Variants in STAT5B observed in about 807,000 individuals in gnomAD.
STAT5B encodes the protein signal transducer and activator of transcription 5B.
In STAT5B, 21 loss-of-function variants were observed where a neutral mutation model predicts 107.8. The ratio of observed to expected loss-of-function variants is 0.19; its 90% confidence interval spans 0.14 to 0.28. The LOEUF (loss-of-function observed/expected upper bound fraction) is 0.28, where lower values mean the gene tolerates loss of function less well. STAT5B is among the 10% of genes least tolerant of loss of function. STAT5B has a pLI of 1.00. For synonymous variants in STAT5B, 325 were observed against 401.7 expected, an observed-to-expected ratio of 0.81 and a Z score of 2.28; for missense variants, 565 against 1,008.2, an observed-to-expected ratio of 0.56 and a Z score of 5.95.
chr17:42,248,216 T>C (rs2080468052), intron 1 of STAT5B, among the ~76,000 whole-genome samples: 1 of 146,838 alleles, frequency 6.8e-6, no homozygotes, highest in African/African-American at 2.5e-5. Context: ...TTGAGGCTGC[T>C]GTGAGCCGTG....
chr17:42,204,741 A>C (rs2080072578), intron 16 of STAT5B, among the ~76,000 whole-genome samples: 2 of 152,244 alleles, frequency 1.3e-5, no homozygotes, highest in African/African-American at 4.8e-5. Flanking sequence ...CTGCCTTCTG[A>C]GTAGCTGGGA....
intron 12 of STAT5B, among the ~76,000 whole-genome samples, chr17:42,213,991 A>C (rs978650260): frequency 1.3e-5 from 2 of 151,576 alleles, no homozygotes; most frequent in African/African-American, 4.8e-5. Context: ...AAAATATAAA[A>C]AATTAATTGG....
At chr17:42,227,912 A>ATTT (rs2080287692) in intron 2 of STAT5B, among the ~76,000 whole-genome samples, 1 of 152,092 alleles carries the variant, frequency 6.6e-6, no homozygotes, top group African/African-American at 2.4e-5. Flanking sequence ...AAAAAAAAAA[A>ATTT]TTTTTAACAA....
chr17:42,269,579 C>T (rs1416810327), intron 1 of STAT5B: 1 of 152,154 alleles, frequency 6.6e-6, no homozygotes, highest in African/African-American at 2.4e-5. Flanking sequence ...TTTCCACTGA[C>T]ATTGTAACTT....
intron 1 of STAT5B, among the ~76,000 whole-genome samples, chr17:42,247,891 T>G (rs1463772476): frequency 6.6e-6 from 1 of 151,268 alleles, no homozygotes; most frequent in African/African-American, 2.4e-5. Flanking sequence ...AGTTAGTAGC[T>G]GCAGTGAACT....
chr17:42,239,508 G>T (rs1489692447), intron 1 of STAT5B, among the ~76,000 whole-genome samples: 2 of 152,020 alleles, frequency 1.3e-5, no homozygotes, highest in African/African-American at 4.8e-5. Context: ...AATAGGATAA[G>T]AAATAAATAA....
intron 5 of STAT5B, among the ~76,000 whole-genome samples, chr17:42,221,778 T>C (rs974564341): frequency 6.6e-6 from 1 of 152,164 alleles, no homozygotes; most frequent in African/African-American, 2.4e-5. Context: ...GGTACAGAGA[T>C]AAAAGATATA....
rs1598304317 is a variant in STAT5B, at chr17:42,219,953, C to A, written c.551-111G>T. The A allele has an allele frequency of 8.5e-6, 13 of 1,537,500 alleles. No homozygotes were observed. The East Asian group carries it at 3.1e-4, about 36-fold the overall frequency. ...GAGACCCTCCTGGGCTCAGATACTG[C>A]ATTAAGGGCAAGTCGGGGTTCCTGA... is the stretch of plus-strand genomic sequence containing the variant. On this transcript the variant is annotated intron_variant, in intron 5 of 18. Transcript: ENST00000293328.
At chr17:42,248,950 C>G (rs2080475590) in intron 1 of STAT5B, among the ~76,000 whole-genome samples, 1 of 152,208 alleles carries the variant, frequency 6.6e-6, no homozygotes, top group Non-Finnish European at 1.5e-5. Context: ...CAGTGTCTCG[C>G]TTGACTGAAC....
intron 1 of STAT5B, among the ~76,000 whole-genome samples, chr17:42,250,923 C>CAA (rs562263374): frequency 2.7e-4 from 16 of 59,152 alleles, no homozygotes; most frequent in Middle Eastern, 0.012. Context: ...AACTCTGTCT[C>CAA]AAAAAAAAAA....
At chr17:42,212,567 G>A (rs960742116) in intron 12 of STAT5B, among the ~76,000 whole-genome samples, 2 of 152,236 alleles carry the variant, frequency 1.3e-5, no homozygotes, top group African/African-American at 2.4e-5. Flanking sequence ...CAGAGAGAGT[G>A]TGCGTATGTG....
chr17:42,247,613 C>A (rs2080462531), intron 1 of STAT5B, among the ~76,000 whole-genome samples: 1 of 152,060 alleles, frequency 6.6e-6, no homozygotes, highest in Admixed American at 6.6e-5. Flanking sequence ...AAAACAAGTC[C>A]TGCAGAAAAA....
At position 42,201,293 on chromosome 17, in the gene STAT5B, C is replaced by T. The variant is rs1036511523; in HGVS notation, c.*445G>A. 22 of 501,718 alleles carry T rather than the reference C, an allele frequency of 4.4e-5. No homozygotes were observed. Among genetic ancestry groups the T allele is most frequent in the African/African-American group, 3.8e-4 (20 of 51,950 alleles). 31.1% of individuals were successfully genotyped at this position (501,718 alleles called of 1,614,324 possible). A position where few individuals can be genotyped will look rare whatever the true frequency, so the allele number is the denominator to read the frequency against. On this transcript the variant is annotated 3_prime_UTR_variant, in exon 19 of 19. Transcript: ENST00000293328. ...ATCAATTGCTTGGCAGACAGAGTGACGAAGACTCACTGGAGCACATGTGCT... is the reference window on the plus strand; with the variant it reads ...ATCAATTGCTTGGCAGACAGAGTGATGAAGACTCACTGGAGCACATGTGCT...
At chr17:42,236,435 G>A (rs1395359688) in intron 1 of STAT5B, among the ~76,000 whole-genome samples, 1 of 152,160 alleles carries the variant, frequency 6.6e-6, no homozygotes, top group Non-Finnish European at 1.5e-5. Flanking sequence ...AAGCTATGTA[G>A]TGGTTTTTTG....
chr17:42,220,539 T>C (rs2080216361), intron 5 of STAT5B, among the ~76,000 whole-genome samples: 1 of 151,934 alleles, frequency 6.6e-6, no homozygotes, highest in African/African-American at 2.4e-5. Flanking sequence ...GAGGATGAGA[T>C]TCTTGAGAGG....
In STAT5B at chr17:42,265,377, C is replaced by CTTTTTTT. The variant is rs371149930; in HGVS notation, c.-11+10864_-11+10870dup. Reference sequence around the variant, plus strand: ...GCTAAGTCAAAGGGTATGTACTCTTCTTTTTTTTTTTTGAGACGAAGTCTC... The same window carrying CTTTTTTT: ...GCTAAGTCAAAGGGTATGTACTCTTCTTTTTTTTTTTTTTTTTTTGAGACGAAGTCTC... On this transcript the variant is annotated intron_variant, in intron 1 of 18. Coordinates refer to ENST00000293328, the MANE Select transcript of STAT5B (RefSeq NM_012448.4). Among the ~76,000 whole-genome samples the CTTTTTTT allele has an allele frequency of 4.4e-4, 49 of 110,600 alleles. 4 individuals are homozygous for CTTTTTTT. The highest frequency in any genetic ancestry group is 1.0e-3 in the African/African-American group (29 of 27,700). The allele number at this position is 110,600 out of a possible 152,430, so 72.6% of individuals were successfully genotyped here.
intron 12 of STAT5B, among the ~76,000 whole-genome samples, chr17:42,213,198 A>G (rs776731041): frequency 7.9e-5 from 12 of 152,152 alleles, no homozygotes; most frequent in Non-Finnish European, 1.3e-4. Context: ...TATATGGAGA[A>G]TAAATTTCCA....
chr17:42,213,283 T>C (rs2080143929), intron 12 of STAT5B, among the ~76,000 whole-genome samples: 1 of 152,154 alleles, frequency 6.6e-6, no homozygotes, highest in Non-Finnish European at 1.5e-5. Context: ...CTTGGCTCAT[T>C]GCAACTTCTG....
intron 1 of STAT5B, among the ~76,000 whole-genome samples, chr17:42,243,520 G>C (rs1030661845): frequency 6.6e-6 from 1 of 152,196 alleles, no homozygotes; most frequent in Non-Finnish European, 1.5e-5. Flanking sequence ...GAGGGTAAAT[G>C]GCCATGTCGT....
Sources: gnomAD v4.1 joint callset for allele counts (sites outside exome capture counted in the v4.1 genomes callset) on GRCh38, gnomAD v4.1.1 for gene constraint, MANE v1.5 for transcripts, NCBI Gene and HGNC (gene_info 2026-07-23, HGNC 2026-07-21) for gene names.